Variants in SPIN1 observed in about 807,000 individuals in gnomAD.
SPIN1 encodes spindlin 1, also known as spindlin-1.
A neutral mutation model predicts 26.0 loss-of-function variants in SPIN1; 3 were observed. The observed-to-expected ratio is 0.12, with a 90% CI of 0.05 to 0.30. The LOEUF is 0.30. Ranked by LOEUF, SPIN1 falls within the 10% of genes least tolerant of loss-of-function variation. The pLI, the probability that SPIN1 is intolerant of heterozygous loss-of-function variation, is 1.00. For missense variants in SPIN1, 126 were observed against 333.4 expected (o/e 0.38, Z 4.84); for synonymous variants, 101 against 116.5 (o/e 0.87, Z 0.86).
intron 2 of SPIN1, among the ~76,000 whole-genome samples, chr9:88,439,153 T>C (rs947052429): frequency 2.6e-5 from 4 of 152,240 alleles, no homozygotes; most frequent in South Asian, 2.1e-4. Flanking sequence ...ATAGCTGATA[T>C]AGATATTCTG....
At chr9:88,419,848 G>C (rs1827638248) in intron 1 of SPIN1, among the ~76,000 whole-genome samples, 1 of 152,204 alleles carries the variant, frequency 6.6e-6, no homozygotes, top group African/African-American at 2.4e-5. Flanking sequence ...TGAGGTTCCA[G>C]ACTACCAAAC....
At chr9:88,470,992 A>G (rs1189747016) in intron 5 of SPIN1, among the ~76,000 whole-genome samples, 2 of 152,136 alleles carry the variant, frequency 1.3e-5, no homozygotes, top group African/African-American at 2.4e-5. Flanking sequence ...CATTGTGACA[A>G]TTTTTTAAAT....
intron 1 of SPIN1, among the ~76,000 whole-genome samples, chr9:88,406,240 C>T (rs1394326364): frequency 1.3e-5 from 2 of 151,268 alleles, no homozygotes; most frequent in Non-Finnish European, 2.9e-5. Context: ...CTGTGTGGGG[C>T]ATGACTGTAC....
At chr9:88,449,307 G>T (rs1210720757) in intron 3 of SPIN1, among the ~76,000 whole-genome samples, 1 of 152,048 alleles carries the variant, frequency 6.6e-6, no homozygotes, top group Non-Finnish European at 1.5e-5. Context: ...ATGCCTGTGT[G>T]AGCCTTGCGT....
rs57244433 is a variant in SPIN1, at chr9:88,393,445, G to GTTTTTTTTT, written c.-159+4927_-159+4935dup. 4.1e-4 allele frequency among the ~76,000 whole-genome samples: 36 copies of GTTTTTTTTT among 88,438 alleles called. 4 individuals are homozygous for GTTTTTTTTT. The highest frequency in any genetic ancestry group is 1.6e-3 in the African/African-American group (29 of 17,920). 58.0% of individuals were successfully genotyped at this position (88,438 alleles called of 152,430 possible). Reference sequence around the variant, plus strand: ...AGAATGTCCTTTTTCTTGCTTTTGGGTTTTTTTTTTTTTTTTTTTTTTTTT... The same window carrying GTTTTTTTTT: ...AGAATGTCCTTTTTCTTGCTTTTGGGTTTTTTTTTTTTTTTTTTTTTTTTTTTTTTTTTT... On this transcript the variant is annotated intron_variant, in intron 1 of 5. Transcript: ENST00000375859.
At chr9:88,393,132 C>CT (rs79661252) in intron 1 of SPIN1, among the ~76,000 whole-genome samples, 1,819 of 124,826 alleles carry the variant, frequency 0.015, 34 homozygotes, top group Middle Eastern at 0.052. Context: ...GTTAAATGTG[C>CT]TTTTTTTTTT....
chr9:88,443,074 G>A (rs1828170310), intron 2 of SPIN1, among the ~76,000 whole-genome samples: 1 of 149,320 alleles, frequency 6.7e-6, no homozygotes, highest in African/African-American at 2.5e-5. Flanking sequence ...GAGCCAAGAT[G>A]GCACCACTGC....
chr9:88,402,882 C>T (rs1280580553), intron 1 of SPIN1, among the ~76,000 whole-genome samples: 1 of 152,122 alleles, frequency 6.6e-6, no homozygotes, highest in Non-Finnish European at 1.5e-5. Context: ...TGAGAAATCT[C>T]CGTACTGTTT....
intron 2 of SPIN1, among the ~76,000 whole-genome samples, chr9:88,427,495 T>C (rs947091855): frequency 1.3e-5 from 2 of 152,196 alleles, no homozygotes; most frequent in Non-Finnish European, 2.9e-5. Flanking sequence ...GAGAGCTTAC[T>C]CAGAATCCTA....
At position 88,448,913 on chromosome 9, in the gene SPIN1, ATTGACTATATACTCATCTC is replaced by A; in HGVS notation, c.53-26_53-8del. 6.2e-7 allele frequency: 1 copy of A among 1,609,722 alleles called. No homozygotes were observed. Among genetic ancestry groups the A allele is most frequent in the Non-Finnish European group, 8.5e-7 (1 of 1,177,518 alleles). ...TGAGGTATTCTTTTATCTGGTTTTC[ATTGACTATATACTCATCTC>A]TCTTACAGGCCATGCTGGAGTATCT... On this transcript the variant is annotated splice_polypyrimidine_tract_variant and intron_variant, in intron 2 of 5. Coordinates refer to ENST00000375859, the MANE Select transcript of SPIN1 (RefSeq NM_006717.3).
intron 2 of SPIN1, among the ~76,000 whole-genome samples, chr9:88,432,898 C>T (rs1827911069): frequency 6.6e-6 from 1 of 152,050 alleles, no homozygotes; most frequent in South Asian, 2.1e-4. Context: ...AGTGCCTTCC[C>T]TCTTCCTCCC....
intron 4 of SPIN1, among the ~76,000 whole-genome samples, chr9:88,467,154 A>G (rs1165048813): frequency 6.6e-6 from 1 of 152,166 alleles, no homozygotes; most frequent in East Asian, 1.9e-4. Context: ...GATCCTTCAT[A>G]GTTTTTCCAG....
At chr9:88,414,116 A>G (rs1405497238) in intron 1 of SPIN1, among the ~76,000 whole-genome samples, 3 of 152,144 alleles carry the variant, frequency 2.0e-5, no homozygotes, top group South Asian at 4.1e-4. Context: ...TGAAGTGTTC[A>G]TGCCCTCCTG....
chr9:88,472,421 A>G (rs971395072), intron 5 of SPIN1, among the ~76,000 whole-genome samples: 6 of 150,008 alleles, frequency 4.0e-5, no homozygotes, highest in East Asian at 2.0e-4. Context: ...TTTAGTAGAG[A>G]TGGCGTTTCA....
At chr9:88,389,182 C>T (rs1564018240) in intron 1 of SPIN1, among the ~76,000 whole-genome samples, 1 of 152,186 alleles carries the variant, frequency 6.6e-6, no homozygotes. Flanking sequence ...CCCGCGCAGC[C>T]CCTTTCCTGA....
intron 3 of SPIN1, chr9:88,457,705 C>A: frequency 2.5e-6 from 1 of 398,498 alleles, no homozygotes; most frequent in Non-Finnish European, 3.4e-6. Flanking sequence ...ACAGGCAATT[C>A]AGGGATAAGG....
chr9:88,437,016 C>T (rs546701763), intron 2 of SPIN1, among the ~76,000 whole-genome samples: 37 of 152,028 alleles, frequency 2.4e-4, no homozygotes, highest in African/African-American at 7.2e-4. Flanking sequence ...CCGCCCGCCT[C>T]GGCCTCCCAA....
intron 5 of SPIN1, 140 bp from the exon 6 acceptor site, chr9:88,474,938 G>A: frequency 1.2e-6 from 1 of 804,482 alleles, no homozygotes. Flanking sequence ...GCTGACTCCT[G>A]GTCTAGATAA....
chr9:88,447,411 A>G (rs1174318457), intron 2 of SPIN1, among the ~76,000 whole-genome samples: 1 of 152,002 alleles, frequency 6.6e-6, no homozygotes, highest in Admixed American at 6.6e-5. Context: ...GTTGGTGTTG[A>G]ACATTTGAAA....
Sources: allele counts gnomAD v4.1 joint callset (sites outside exome capture counted in the v4.1 genomes callset), GRCh38; gene constraint gnomAD v4.1.1; transcripts MANE v1.5; gene names NCBI Gene and HGNC (gene_info 2026-07-23, HGNC 2026-07-21).